Variants in OR4K14 observed in about 807,000 individuals in gnomAD.
OR4K14 encodes olfactory receptor 4K14.
For missense variants in OR4K14, 406 were observed against 373.6 expected, an observed-to-expected ratio of 1.09 and a Z score of -0.72; for synonymous variants, 153 against 141.5, an observed-to-expected ratio of 1.08 and a Z score of -0.58.
Position 20,019,258 on chromosome 14 carries a change from A to T in OR4K14, c.-145T>A, listed in dbSNP as rs1594160265. ...ATTTTATCCCAGAGATGATTTAATC[A>T]TCTTCTTCTGCATCTTAAAAACAAT... On this transcript the variant is annotated 5_prime_UTR_variant, in exon 1 of 2. The change abolishes an upstream ATG in the 5' untranslated region. Coordinates refer to ENST00000641793, the MANE Select transcript of OR4K14 (RefSeq NM_001004712.2). The T allele has an allele frequency of 1.3e-5, 2 of 152,230 alleles. No individual in the cohort carries two copies. Among genetic ancestry groups the T allele is most frequent in the East Asian group, 3.9e-4 (2 of 5,182 alleles). 9.4% of individuals were successfully genotyped at this position (152,230 alleles called of 1,614,324 possible).
At position 20,014,348 on chromosome 14, in the gene OR4K14, G is replaced by A; in HGVS notation, c.846C>T (p.Leu282=). The change falls in exon 2 of 2, where the codon CTC becomes CTT. Residue 282 remains leucine, a synonymous_variant. Coordinates refer to ENST00000641793, the MANE Select transcript of OR4K14 (RefSeq NM_001004712.2). ...TCAATGTGTAGATAATGGGGTTCAG[G>A]AGTGGAGTAAAAATGGTATAAAACA... The part of the protein sequence containing the change: ...LSVFYTIFTP[L]LNPIIYTLRN... 8.1e-6 allele frequency: 13 copies of A among 1,611,322 alleles called. No homozygotes were observed. The highest frequency in any genetic ancestry group is 1.1e-5 in the Non-Finnish European group (13 of 1,178,666).
In OR4K14 at chr14:20,014,479, A is replaced by T; in HGVS notation, c.715T>A (p.Ser239Thr). Residue 239 changes from serine to threonine, a missense_variant, in exon 2 of 2, where the codon TCC (serine) becomes ACC (threonine). Ser to Thr is a moderately conservative substitution (Grantham distance 58). Transcript: ENST00000641793. ...ACCATGATATGTGCAGAGCAAGTGG[A>T]GAGTGCTTTGGATGTGCTACCGGCA... ...RAAGSTSKAL[S>T]TCSAHIMVVT... is the part of the protein sequence containing the mutation. The T allele has an allele frequency of 6.2e-7, 1 of 1,614,152 alleles. No homozygotes were observed. Among genetic ancestry groups the T allele is most frequent in the South Asian group, 1.1e-5 (1 of 91,082 alleles).
chr14:20,015,387 G>T (rs1272196538), intron 1 of OR4K14, among the ~76,000 whole-genome samples, 165 bp from the exon 2 acceptor site: 20 of 152,184 alleles, frequency 1.3e-4, no homozygotes, highest in Admixed American at 1.3e-3. Context: ...GTGGTTACCA[G>T]AGGCTGGGAA....
intron 1 of OR4K14, among the ~76,000 whole-genome samples, chr14:20,017,561 C>A (rs1877123687): frequency 6.6e-6 from 1 of 151,564 alleles, no homozygotes; most frequent in African/African-American, 2.4e-5. Flanking sequence ...TAAACTTTCT[C>A]CGAGATGATT....
At chr14:20,018,948 T>C (rs2185443) in intron 1 of OR4K14, among the ~76,000 whole-genome samples, 195 bp downstream of exon 1, 11,899 of 152,054 alleles carry the variant, frequency 0.078, 541 homozygotes, top group East Asian at 0.18. Context: ...AAAAATGACA[T>C]TGATTTTGTA....
In OR4K14 at chr14:20,014,544, A is replaced by G. The variant is rs767511952; in HGVS notation, c.650T>C (p.Ile217Thr). 3.5e-5 allele frequency: 56 copies of G among 1,613,908 alleles called. No individual in the cohort carries two copies. The East Asian group carries it at 1.2e-3, about 34-fold the overall frequency. ...LSLSCFLLLL[I>T]SYTVILLAIR... The stretch of plus-strand genomic sequence containing the variant: ...AGCGAGGAGGATCACGGTGTAGGAG[A>G]TCAGGAGGAGCAGAAAACAGCTCAA... The change falls in exon 2 of 2, where the codon ATC becomes ACC. Residue 217 changes from isoleucine to threonine, a missense_variant. Physicochemically the swap from Ile to Thr is moderately conservative, Grantham distance 89 (BLOSUM62 -1). Transcript: ENST00000641793.
At position 20,014,366 on chromosome 14, in the gene OR4K14, A is replaced by G. The variant is rs1053227549; in HGVS notation, c.828T>C (p.Tyr276=). The G allele has an allele frequency of 1.2e-6, 2 of 1,613,902 alleles. No individual in the cohort carries two copies. Among genetic ancestry groups the G allele is most frequent in the Admixed American group, 3.3e-5 (2 of 59,990 alleles). ...GGTTCAGGAGTGGAGTAAAAATGGT[A>G]TAAAACACAGACAGCAGCTTGTCCA... ...FSVDKLLSVF[Y]TIFTPLLNPI... is the part of the protein sequence containing the mutation. The change falls in exon 2 of 2, where the codon TAT becomes TAC. Residue 276 remains tyrosine (Y), a synonymous_variant. Transcript: ENST00000641793.
In OR4K14 at chr14:20,014,758, C is replaced by A. The variant is rs1237564290; in HGVS notation, c.436G>T (p.Val146Leu). The change falls in exon 2 of 2, where the codon GTG (valine) becomes TTG (leucine). Residue 146 changes from valine to leucine, a missense_variant. By Grantham distance (32) the Val-to-Leu change is conservative (BLOSUM62 1). Transcript: ENST00000641793. ...LMSWQTCIRLVLASWVVGFVH... is the reference protein window; with the variant it reads ...LMSWQTCIRLLLASWVVGFVH... ...AATCCAACGACCCATGAAGCCAGCACCAGCCTGATGCAAGTCTGCCAACTC... is the reference window on the plus strand; with the variant it reads ...AATCCAACGACCCATGAAGCCAGCAACAGCCTGATGCAAGTCTGCCAACTC... 1.2e-6 allele frequency: 2 copies of A among 1,614,072 alleles called. No individual in the cohort carries two copies. The highest frequency in any genetic ancestry group is 1.7e-6 in the Non-Finnish European group (2 of 1,180,002).
Position 20,015,120 on chromosome 14 carries a change from T to C in OR4K14, c.74A>G (p.Asn25Ser), listed in dbSNP as rs779102209. The C allele has an allele frequency of 6.2e-7, 1 of 1,613,402 alleles. No homozygotes were observed. The highest frequency in any genetic ancestry group is 1.3e-5 in the African/African-American group (1 of 74,770). The change falls in exon 2 of 2, where the codon AAT becomes AGT. Residue 25 changes from asparagine to serine, a missense_variant. By Grantham distance (46) the Asn-to-Ser change is conservative. Coordinates refer to ENST00000641793, the MANE Select transcript of OR4K14 (RefSeq NM_001004712.2). ...HGLCTSRHLQ[N>S]FFFIFFFGVY... ...CCCAAAGAAAAATATAAAGAAAAAATTTTGAAGATGTCGTGAAGTGCAGAG... is the reference window on the plus strand; with the variant it reads ...CCCAAAGAAAAATATAAAGAAAAAACTTTGAAGATGTCGTGAAGTGCAGAG...
At chr14:20,017,716 G>A (rs964117695) in intron 1 of OR4K14, among the ~76,000 whole-genome samples, 15 of 151,918 alleles carry the variant, frequency 9.9e-5, no homozygotes, top group African/African-American at 3.6e-4. Context: ...TGATTAATGA[G>A]TAAGAAAATG....
chr14:20,015,852 C>T (rs1877086640), intron 1 of OR4K14, among the ~76,000 whole-genome samples: 1 of 151,766 alleles, frequency 6.6e-6, no homozygotes, highest in African/African-American at 2.4e-5. Flanking sequence ...TCCTGAGGGG[C>T]AGTTAGACAT....
chr14:20,017,898 C>A (rs1014224734), intron 1 of OR4K14, among the ~76,000 whole-genome samples: 2 of 151,990 alleles, frequency 1.3e-5, no homozygotes, highest in Non-Finnish European at 2.9e-5. Flanking sequence ...TGAAATGGAA[C>A]AGGATGCATA....
At chr14:20,017,562 C>T (rs1959649) in intron 1 of OR4K14, among the ~76,000 whole-genome samples, 110,139 of 151,674 alleles carry the variant, frequency 0.73, 42,878 homozygotes, top group East Asian at 0.97. Context: ...AAACTTTCTC[C>T]GAGATGATTT....
At chr14:20,015,298 A>G in intron 1 of OR4K14, 76 bp from the exon 2 acceptor site, 1 of 665,846 alleles carries the variant, frequency 1.5e-6, no homozygotes, top group South Asian at 2.2e-5. Context: ...AGCCAGGCAC[A>G]GAAAGACAAA....
Position 20,014,913 on chromosome 14 carries a change from G to T in OR4K14, c.281C>A (p.Ser94Tyr), listed in dbSNP as rs879086197. ...GATTTGAGCCATACATCCTCCAAAGGAGATGAGTTTTTGATCACTAAGGAA... is the reference window on the plus strand; with the variant it reads ...GATTTGAGCCATACATCCTCCAAAGTAGATGAGTTTTTGATCACTAAGGAA... The part of the protein sequence containing the change: ...RDFLSDQKLI[S>Y]FGGCMAQIFF... The change falls in exon 2 of 2, where the codon TCC becomes TAC. Residue 94 changes from serine to tyrosine, a missense_variant. Transcript: ENST00000641793. 6.2e-7 allele frequency: 1 copy of T among 1,614,148 alleles called. No individual in the cohort carries two copies. The highest frequency in any genetic ancestry group is 1.7e-5 in the Admixed American group (1 of 60,008).
Position 20,015,027 on chromosome 14 carries a change from T to G in OR4K14, c.167A>C (p.His56Pro), listed in dbSNP as rs1440738811. ...CAGCAGGAAGTACATAGGGGAGGAG[T>G]GCAGGCAGGGATCAGAAATTACAGT... ...LVTVISDPCL[H>P]SSPMYFLLGN... Residue 56 changes from histidine (H) to proline (P), a missense_variant, in exon 2 of 2, where the codon CAC becomes CCC. Transcript: ENST00000641793. 6.2e-7 allele frequency: 1 copy of G among 1,613,414 alleles called. No individual in the cohort carries two copies. Among genetic ancestry groups the G allele is most frequent in the South Asian group, 1.1e-5 (1 of 91,042 alleles).
intron 1 of OR4K14, among the ~76,000 whole-genome samples, 200 bp downstream of exon 1, chr14:20,018,942 AT>A (rs1877152589): frequency 6.6e-6 from 1 of 152,074 alleles, no homozygotes; most frequent in Non-Finnish European, 1.5e-5. Context: ...TCAGAAAAAA[AT>A]GACATTGATT....
rs781179820 is a variant in OR4K14, at chr14:20,015,157, C to G, written c.37G>C (p.Val13Leu). The G allele has an allele frequency of 9.9e-6, 16 of 1,611,956 alleles. No individual in the cohort carries two copies. The highest frequency in any genetic ancestry group is 1.4e-5 in the Non-Finnish European group (16 of 1,179,304). The change falls in exon 2 of 2, where the codon GTG (valine) becomes CTG (leucine). Residue 13 changes from valine to leucine, a missense_variant. Transcript: ENST00000641793. ...CGTGAAGTGCAGAGTCCATGCAACA[C>G]AAATTCTGACACCAAGGAATAGTTC... ...PQNYSLVSEF[V>L]LHGLCTSRHL...
intron 1 of OR4K14, among the ~76,000 whole-genome samples, chr14:20,015,652 TAGAA>T (rs1245542936): frequency 2.0e-5 from 3 of 152,102 alleles, no homozygotes; most frequent in African/African-American, 4.8e-5. Context: ...ATTTATCAAT[TAGAA>T]AGAAAGAGAG....
Sources: gnomAD v4.1 joint callset for allele counts (sites outside exome capture counted in the v4.1 genomes callset) on GRCh38, gnomAD v4.1.1 for gene constraint, MANE v1.5 for transcripts, NCBI Gene and HGNC (gene_info 2026-07-23, HGNC 2026-07-21) for gene names.